Variants in PYY observed in about 807,000 individuals in gnomAD.
PYY encodes peptide YY.
Under a neutral mutation model 10.3 loss-of-function variants are expected in PYY, and 12 were observed. The observed-to-expected ratio is 1.17, with a 90% confidence interval of 0.75 to 1.89. The LOEUF is 1.89. Among genes scored for constraint, PYY ranks in the 40% most tolerant of loss-of-function variants. The probability of loss-of-function intolerance (pLI) is 0.00; values close to 1 mark genes in which losing one functional copy is unlikely to be tolerated. For missense variants in PYY, 141 were observed against 134.0 expected (o/e 1.05, Z -0.26); for synonymous variants, 66 against 62.0 (o/e 1.06, Z -0.30).
At chr17:43,973,495 AC>A (rs559110638) in intron 1 of PYY, among the ~76,000 whole-genome samples, 19 of 152,240 alleles carry the variant, frequency 1.2e-4, no homozygotes, top group African/African-American at 4.1e-4. Flanking sequence ...CTATTCCTAT[AC>A]GTTACTGAAA....
chr17:43,995,172 G>T (rs1039936225), intron 1 of PYY, among the ~76,000 whole-genome samples: 2 of 152,212 alleles, frequency 1.3e-5, no homozygotes, highest in African/African-American at 4.8e-5. Context: ...TTTGGCGGCT[G>T]GACCTGCGCC....
rs1050982628 is a variant in PYY at position 43,978,248 on chromosome 17, GGAAAGAAAGA to G, written c.-462-11726_-462-11717del. ...GAGAAAGAAAGAAGAAAGGAAAGAA[GGAAAGAAAGA>G]GAAAGAAAGAGAGAGAGAGAGAAGG... is the stretch of plus-strand genomic sequence containing the variant. On this transcript the variant is annotated intron_variant, in intron 1 of 6. Coordinates refer to the PYY transcript ENST00000360085. Among the ~76,000 whole-genome samples, 17 of 140,272 alleles carry G rather than the reference GGAAAGAAAGA, an allele frequency of 1.2e-4. No homozygotes were observed. The East Asian group carries it at 2.3e-3, about 19-fold the overall frequency. 92.0% of individuals were successfully genotyped at this position (140,272 alleles called of 152,430 possible).
intron 1 of PYY, among the ~76,000 whole-genome samples, chr17:44,001,289 A>G (rs2049024963): frequency 6.6e-6 from 1 of 152,124 alleles, no homozygotes; most frequent in Admixed American, 6.6e-5. Flanking sequence ...GGTGGAAGTT[A>G]TGTCTCTGCT....
At chr17:43,958,617 T>C (rs2048691674), upstream of PYY, among the ~76,000 whole-genome samples, 1 of 152,200 alleles carries the variant, frequency 6.6e-6, no homozygotes, top group African/African-American at 2.4e-5. Context: ...CAGCCTCAAG[T>C]GATCCGCCTG....
At chr17:43,979,659 C>G (rs2143936363) in intron 1 of PYY, among the ~76,000 whole-genome samples, 1 of 151,290 alleles carries the variant, frequency 6.6e-6, no homozygotes, top group Non-Finnish European at 1.5e-5. Flanking sequence ...GCCTGGGTGA[C>G]AGCAAGACTC....
intron 1 of PYY, among the ~76,000 whole-genome samples, chr17:43,967,438 T>C (rs769253467): frequency 2.6e-5 from 4 of 152,158 alleles, no homozygotes; most frequent in African/African-American, 4.8e-5. Context: ...CACAGAGCTG[T>C]CACATTCAAC....
At chr17:43,973,660 T>C (rs927962615) in intron 1 of PYY, among the ~76,000 whole-genome samples, 1 of 152,116 alleles carries the variant, frequency 6.6e-6, no homozygotes, top group Non-Finnish European at 1.5e-5. Context: ...CCAGGCATGG[T>C]GGCGGCCACC....
At chr17:43,985,952 G>A (rs1469484075) in intron 1 of PYY, among the ~76,000 whole-genome samples, 1 of 152,136 alleles carries the variant, frequency 6.6e-6, no homozygotes, top group Non-Finnish European at 1.5e-5. Context: ...AGTCTGTAGA[G>A]GTATTCTATA....
At chr17:43,971,649 T>C (rs2048794626) in intron 1 of PYY, among the ~76,000 whole-genome samples, 1 of 151,414 alleles carries the variant, frequency 6.6e-6, no homozygotes, top group Admixed American at 6.6e-5. Flanking sequence ...GCCATCTTTA[T>C]ATCCTCCTTG....
chr17:43,957,863 G>A (rs1325486606), upstream of PYY: 3 of 154,500 alleles, frequency 1.9e-5, no homozygotes, highest in East Asian at 5.8e-4. Context: ...GGTGGGTTTA[G>A]GAAACAGCGA....
At chr17:43,954,490 AC>A (rs2143887334), upstream of PYY, among the ~76,000 whole-genome samples, 1 of 152,220 alleles carries the variant, frequency 6.6e-6, no homozygotes, top group Non-Finnish European at 1.5e-5. Flanking sequence ...TTGGCTCCTG[AC>A]CTGCAGTTTA....
intron 1 of PYY, among the ~76,000 whole-genome samples, chr17:43,970,724 T>C (rs904510541): frequency 1.3e-5 from 2 of 152,168 alleles, no homozygotes; most frequent in African/African-American, 4.8e-5. Context: ...CCTAGTACTA[T>C]CCCTGTGTGG....
rs1406399765 is a variant in PYY, at chr17:43,987,510, G to A, written c.-463+16881C>T. ...CTCGAAGATCAGACCTTGAGAGGTCGACCCATACTGGGGGTTCTGAATCCT... is the reference window on the plus strand; with the variant it reads ...CTCGAAGATCAGACCTTGAGAGGTCAACCCATACTGGGGGTTCTGAATCCT... On this transcript the variant is annotated intron_variant, in intron 1 of 6. Transcript: ENST00000360085. This position sits in a 1 kb window ranked among gnomAD's most constrained non-coding sequence, Gnocchi z 4.0. Among the ~76,000 whole-genome samples, 1 of 152,192 alleles carries A rather than the reference G, an allele frequency of 6.6e-6. No individual in the cohort carries two copies. Among genetic ancestry groups the A allele is most frequent in the African/African-American group, 2.4e-5 (1 of 41,454 alleles).
chr17:43,994,780 T>C (rs2048980204), intron 1 of PYY, among the ~76,000 whole-genome samples: 1 of 152,132 alleles, frequency 6.6e-6, no homozygotes, highest in Non-Finnish European at 1.5e-5. Context: ...ACGAGCTGCG[T>C]TTTCCCGGAA....
chr17:43,997,900 G>A (rs1391048504), intron 1 of PYY, among the ~76,000 whole-genome samples: 1 of 151,380 alleles, frequency 6.6e-6, no homozygotes. Context: ...TTGGACATAG[G>A]GTATGAAAAA....
chr17:43,991,555 T>TC (rs2048956975), intron 1 of PYY, among the ~76,000 whole-genome samples: 1 of 152,244 alleles, frequency 6.6e-6, no homozygotes, highest in Admixed American at 6.5e-5. Context: ...ATGCTTTTTT[T>TC]CTTCCTTTTG....
upstream of PYY, among the ~76,000 whole-genome samples, chr17:43,957,518 C>T (rs1484775954): frequency 3.9e-5 from 6 of 152,008 alleles, no homozygotes; most frequent in Non-Finnish European, 7.4e-5. Flanking sequence ...ATTAGCCAAG[C>T]GCAGTGGCGG....
At chr17:43,976,184 C>A (rs1167833169) in intron 1 of PYY, among the ~76,000 whole-genome samples, 1 of 83,274 alleles carries the variant, frequency 1.2e-5, no homozygotes, top group Non-Finnish European at 1.9e-5. Context: ...TGTATATATA[C>A]GTATATGTAT....
intron 1 of PYY, among the ~76,000 whole-genome samples, chr17:43,976,282 C>CACACATAT (rs1491439269): frequency 0.026 from 2,540 of 99,346 alleles, 218 homozygotes; most frequent in Admixed American, 0.079. Context: ...CGTATATATA[C>CACACATAT]GCATATGTAT....
Sources: gnomAD v4.1 joint callset for allele counts (sites outside exome capture counted in the v4.1 genomes callset) on GRCh38, gnomAD v4.1.1 for gene constraint, Gnocchi (gnomAD v3.1) non-coding constraint, MANE v1.5 for transcripts, NCBI Gene and HGNC (gene_info 2026-07-23, HGNC 2026-07-21) for gene names.